Variants in ENTREP1 observed in about 807,000 individuals in gnomAD.
ENTREP1 encodes the protein Friedreich ataxia region gene X123.
At chr9:69,325,321 C>A in the ENTREP1 span, 1 of 1,169,894 alleles carries the variant, frequency 8.5e-7, no homozygotes, top group Non-Finnish European at 1.1e-6. Context: ...TGTCCCTGCC[C>A]GTGGTGCTCC....
the ENTREP1 span, among the ~76,000 whole-genome samples, chr9:69,355,772 G>A: frequency 7.0e-4 from 106 of 152,296 alleles, no homozygotes; most frequent in African/African-American, 2.5e-3. Context: ...TCTTTCACAT[G>A]ACTGGCAAGT....
chr9:69,378,065 A>T, the ENTREP1 span, among the ~76,000 whole-genome samples: 1 of 152,158 alleles, frequency 6.6e-6, no homozygotes, highest in South Asian at 2.1e-4. Context: ...GATAAAACAG[A>T]TGAATCCAAA....
the ENTREP1 span, among the ~76,000 whole-genome samples, chr9:69,340,932 G>A: frequency 6.6e-6 from 1 of 152,116 alleles, no homozygotes; most frequent in African/African-American, 2.4e-5. Flanking sequence ...CTAAGAAAAT[G>A]TTCTGTAAGT....
At chr9:69,377,457 G>C in the ENTREP1 span, 1 of 1,613,636 alleles carries the variant, frequency 6.2e-7, no homozygotes, top group African/African-American at 1.3e-5. Context: ...CCAGATATTC[G>C]CAACCAGGAG....
chr9:69,331,815 C>T, the ENTREP1 span, among the ~76,000 whole-genome samples: 1,559 of 152,196 alleles, frequency 0.01, 20 homozygotes, highest in Non-Finnish European at 0.017. Flanking sequence ...TGAGTGAGTA[C>T]GCACAGGTCC....
the ENTREP1 span, among the ~76,000 whole-genome samples, chr9:69,373,528 T>G: frequency 2.6e-5 from 4 of 152,014 alleles, no homozygotes; most frequent in South Asian, 8.4e-4. Context: ...TTTTTATCAC[T>G]TAAAGATGTA....
the ENTREP1 span, chr9:69,388,027 CA>C: frequency 6.4e-7 from 1 of 1,571,794 alleles, no homozygotes; most frequent in Non-Finnish European, 8.6e-7. Context: ...AGATGAAAAG[CA>C]GGATGTGCAT....
chr9:69,391,752 A>C, the ENTREP1 span: 12 of 1,613,534 alleles, frequency 7.4e-6, no homozygotes, highest in Non-Finnish European at 1.0e-5. Flanking sequence ...CGGCGAGTGG[A>C]GGCTGAGCGG....
At chr9:69,325,174 C>T in the ENTREP1 span, 1 of 1,035,036 alleles carries the variant, frequency 9.7e-7, no homozygotes, top group Non-Finnish European at 1.2e-6. Flanking sequence ...TTGGGCCGTG[C>T]GCATTTCCTT....
the ENTREP1 span, among the ~76,000 whole-genome samples, chr9:69,378,652 G>T: frequency 6.6e-6 from 1 of 152,012 alleles, no homozygotes; most frequent in African/African-American, 2.4e-5. Context: ...CCAGCTACTT[G>T]GGAGGCTGAG....
the ENTREP1 span, among the ~76,000 whole-genome samples, chr9:69,368,693 A>G: frequency 1.3e-5 from 2 of 151,928 alleles, no homozygotes; most frequent in Admixed American, 1.3e-4. Flanking sequence ...CTCTCCTTCA[A>G]TTTTTTGGAA....
At chr9:69,361,120 C>CT in the ENTREP1 span, among the ~76,000 whole-genome samples, 10 of 151,910 alleles carry the variant, frequency 6.6e-5, no homozygotes, top group Middle Eastern at 3.4e-3. Flanking sequence ...TTCTAAGTGA[C>CT]TTTTTTTTAA....
chr9:69,392,124 C>T, the ENTREP1 span: 1 of 372,790 alleles, frequency 2.7e-6, no homozygotes, highest in Non-Finnish European at 5.0e-6. Flanking sequence ...TCTTTGCCCA[C>T]TTCACCCCTC....
At chr9:69,351,251 T>G in the ENTREP1 span, among the ~76,000 whole-genome samples, 3 of 152,210 alleles carry the variant, frequency 2.0e-5, no homozygotes, top group Non-Finnish European at 4.4e-5. Context: ...TTCAGATAAT[T>G]TTTCTGAGTC....
the ENTREP1 span, chr9:69,383,621 T>A: frequency 6.2e-7 from 1 of 1,613,790 alleles, no homozygotes. Context: ...GCCAAGTCGC[T>A]TTTCCTAGGA....
chr9:69,344,610 C>A, the ENTREP1 span, among the ~76,000 whole-genome samples: 1 of 152,186 alleles, frequency 6.6e-6, no homozygotes, highest in Non-Finnish European at 1.5e-5. Context: ...AATGAAGCTT[C>A]TGAGGCCACG....
the ENTREP1 span, among the ~76,000 whole-genome samples, chr9:69,340,641 ATG>A: frequency 7.7e-4 from 34 of 44,304 alleles, 1 homozygote; most frequent in South Asian, 4.2e-3. Flanking sequence ...GTGTGCGTGC[ATG>A]TGTGTGTGCA....
At chr9:69,371,592 G>C in the ENTREP1 span, 1 of 1,611,716 alleles carries the variant, frequency 6.2e-7, no homozygotes, top group African/African-American at 1.3e-5. Context: ...TGTGTCCAGC[G>C]TGCCCAGGTG....
the ENTREP1 span, chr9:69,377,868 C>T: frequency 5.4e-6 from 6 of 1,118,818 alleles, no homozygotes; most frequent in Non-Finnish European, 7.4e-6. Context: ...AAAATTTTTC[C>T]TGACTTGAGG....
Sources: allele counts gnomAD v4.1 joint callset (sites outside exome capture counted in the v4.1 genomes callset), GRCh38; gene constraint gnomAD v4.1.1; transcripts MANE v1.5; gene names NCBI Gene and HGNC (gene_info 2026-07-23, HGNC 2026-07-21).